Variants in MVB12B observed in about 807,000 individuals in gnomAD.
MVB12B encodes the protein ESCRT-I complex subunit MVB12B.
In MVB12B, 16 loss-of-function variants were observed where a neutral mutation model predicts 41.6. The observed-to-expected ratio is 0.38, with a 90% CI of 0.26 to 0.58. MVB12B has a LOEUF of 0.58. Among genes scored for constraint, MVB12B ranks in the 20% least tolerant of loss-of-function variants. MVB12B has a pLI of 0.62. For missense variants in MVB12B, 274 were observed against 380.2 expected, an observed-to-expected ratio of 0.72 and a Z score of 2.32; for synonymous variants, 133 against 139.7, an observed-to-expected ratio of 0.95 and a Z score of 0.34.
intron 9 of MVB12B, among the ~76,000 whole-genome samples, chr9:126,501,449 G>T (rs951565443): frequency 6.6e-6 from 1 of 152,216 alleles, no homozygotes; most frequent in Non-Finnish European, 1.5e-5. Context: ...GGCTCCCTTC[G>T]GTTTGGGGGC....
At chr9:126,331,868 A>C (rs1829140473) in intron 1 of MVB12B, among the ~76,000 whole-genome samples, 1 of 152,194 alleles carries the variant, frequency 6.6e-6, no homozygotes, top group South Asian at 2.1e-4. Context: ...TGGTTGGAGA[A>C]ATGTTCAGTT....
At chr9:126,460,335 A>G (rs754406585) in intron 7 of MVB12B, among the ~76,000 whole-genome samples, 17 of 152,210 alleles carry the variant, frequency 1.1e-4, no homozygotes, top group Non-Finnish European at 2.2e-4. Flanking sequence ...AAAGCATTCC[A>G]CAACATAAGT....
In MVB12B at chr9:126,503,054, C is replaced by G; in HGVS notation, c.874-123C>G. On this transcript the variant is annotated intron_variant, in intron 9 of 9. Transcript: ENST00000361171. The stretch of plus-strand genomic sequence containing the variant: ...GCTGGCACCGGCCTGGCCAGCTGCG[C>G]CATGTCAAGATGCCCCACGAGGCGG... The G allele has an allele frequency of 7.0e-6, 6 of 859,974 alleles. No homozygotes were observed. In the South Asian group the frequency reaches 8.8e-5, roughly 13 times the overall value. 53.3% of individuals were successfully genotyped at this position (859,974 alleles called of 1,614,324 possible).
intron 2 of MVB12B, among the ~76,000 whole-genome samples, chr9:126,359,587 T>A (rs1829975553): frequency 6.6e-6 from 1 of 152,238 alleles, no homozygotes. Context: ...GTAGTGTCAT[T>A]CAGGTTATCT....
At chr9:126,452,227 A>G (rs1832901240) in intron 7 of MVB12B, among the ~76,000 whole-genome samples, 1 of 152,254 alleles carries the variant, frequency 6.6e-6, no homozygotes, top group Non-Finnish European at 1.5e-5. Context: ...TTTAAACAAT[A>G]GACCCAGCCT....
At chr9:126,354,458 A>T (rs1294565476) in intron 2 of MVB12B, among the ~76,000 whole-genome samples, 1 of 152,248 alleles carries the variant, frequency 6.6e-6, no homozygotes, top group Non-Finnish European at 1.5e-5. Context: ...TATTTTTATG[A>T]GAAACAGTGT....
chr9:126,475,879 T>C (rs1298059676), intron 7 of MVB12B, among the ~76,000 whole-genome samples: 1 of 152,172 alleles, frequency 6.6e-6, no homozygotes, highest in Non-Finnish European at 1.5e-5. Context: ...TAAAAGTCTA[T>C]TTTCTAGAAG....
At chr9:126,336,824 A>G (rs995168258) in intron 1 of MVB12B, among the ~76,000 whole-genome samples, 2 of 151,936 alleles carry the variant, frequency 1.3e-5, no homozygotes, top group African/African-American at 2.4e-5. Flanking sequence ...GGCAGACAAC[A>G]CTGCCTGAAC....
Position 126,473,086 on chromosome 9 carries a change from G to A in MVB12B, c.758-8283G>A, listed in dbSNP as rs1344745091. Among the ~76,000 whole-genome samples, 2 of 152,216 alleles carry A rather than the reference G, an allele frequency of 1.3e-5. No homozygotes were observed. The highest frequency in any genetic ancestry group is 2.9e-5 in the Non-Finnish European group (2 of 68,044). The stretch of plus-strand genomic sequence containing the variant: ...GGGTTAGGTGACCAGCCCTCCCTAC[G>A]TGGTGGGTGCTTTATCTCTGTCGTC... On this transcript the variant is annotated intron_variant, in intron 7 of 9. Coordinates refer to ENST00000361171, the MANE Select transcript of MVB12B (RefSeq NM_033446.3). This position sits in a 1 kb window ranked among gnomAD's most constrained non-coding sequence, Gnocchi z 4.0.
At chr9:126,350,847 C>T (rs1467336549) in intron 2 of MVB12B, among the ~76,000 whole-genome samples, 1 of 152,164 alleles carries the variant, frequency 6.6e-6, no homozygotes, top group Admixed American at 6.5e-5. Flanking sequence ...CTTTATTCTC[C>T]TTTCCAAAAT....
chr9:126,460,224 A>G (rs571132912), intron 7 of MVB12B, among the ~76,000 whole-genome samples: 1 of 152,316 alleles, frequency 6.6e-6, no homozygotes, highest in African/African-American at 2.4e-5. Flanking sequence ...GCAGGTGACC[A>G]GCACTCACTG....
At chr9:126,329,789 A>G (rs1165170016) in intron 1 of MVB12B, among the ~76,000 whole-genome samples, 1 of 152,154 alleles carries the variant, frequency 6.6e-6, no homozygotes, top group Admixed American at 6.5e-5. Context: ...GGCTGAGCAC[A>G]CTGTGTTGCA....
At chr9:126,377,292 GTGTGCACA>G (rs950354915) in intron 2 of MVB12B, among the ~76,000 whole-genome samples, 34 of 152,324 alleles carry the variant, frequency 2.2e-4, no homozygotes, top group Middle Eastern at 6.8e-3. Context: ...GCATGTGCAT[GTGTGCACA>G]TGTGCACATG....
At chr9:126,370,461 C>T (rs1370728031) in intron 2 of MVB12B, among the ~76,000 whole-genome samples, 2 of 150,344 alleles carry the variant, frequency 1.3e-5, no homozygotes, top group Admixed American at 1.3e-4. Context: ...CAGCTCATTG[C>T]AGCCTCTGCC....
At chr9:126,494,444 T>C (rs1833790350) in intron 9 of MVB12B, among the ~76,000 whole-genome samples, 1 of 152,184 alleles carries the variant, frequency 6.6e-6, no homozygotes, top group East Asian at 1.9e-4. Flanking sequence ...GAGATTACGT[T>C]TGCCAGGCAG....
intron 2 of MVB12B, among the ~76,000 whole-genome samples, chr9:126,374,915 C>CT (rs1418019715): frequency 6.6e-6 from 1 of 152,160 alleles, no homozygotes; most frequent in Non-Finnish European, 1.5e-5. Flanking sequence ...AAAGTGATGC[C>CT]TGCGTGCACA....
chr9:126,429,564 G>A (rs750127017), intron 7 of MVB12B, among the ~76,000 whole-genome samples: 3 of 152,210 alleles, frequency 2.0e-5, no homozygotes, highest in South Asian at 2.1e-4. Context: ...GGCACAGACT[G>A]TAACATGTAT....
In MVB12B at chr9:126,432,819, G is replaced by A. The variant is rs895339648; in HGVS notation, c.757+10871G>A. Among the ~76,000 whole-genome samples, 24 of 152,274 alleles carry A rather than the reference G, an allele frequency of 1.6e-4. No individual in the cohort carries two copies. In the South Asian group the frequency reaches 2.5e-3, roughly 16 times the overall value. On this transcript the variant is annotated intron_variant, in intron 7 of 9. Coordinates refer to ENST00000361171, the MANE Select transcript of MVB12B (RefSeq NM_033446.3). ...TCTTTAGCACAGGTTGCGTGTGACC[G>A]TTTCCCTCCCCTCATCAACTTGAAG...
At chr9:126,372,476 G>A (rs939839754) in intron 2 of MVB12B, among the ~76,000 whole-genome samples, 2 of 152,166 alleles carry the variant, frequency 1.3e-5, no homozygotes, top group African/African-American at 2.4e-5. Flanking sequence ...GCTGCACCCT[G>A]TTACAATCCC....
Sources: gnomAD v4.1 joint callset for allele counts (sites outside exome capture counted in the v4.1 genomes callset) on GRCh38, gnomAD v4.1.1 for gene constraint, Gnocchi (gnomAD v3.1) non-coding constraint, MANE v1.5 for transcripts, NCBI Gene and HGNC (gene_info 2026-07-23, HGNC 2026-07-21) for gene names.